SETBP1: variants seen among roughly 807,000 people sequenced by gnomAD.
SETBP1 encodes the protein SET-binding protein.
SETBP1 carries 9 observed loss-of-function variants against 101.0 expected under a neutral mutation model. The ratio of observed to expected loss-of-function variants is 0.09; its 90% CI spans 0.05 to 0.16. SETBP1 has a LOEUF of 0.16. SETBP1 is among the 10% of genes least tolerant of loss of function. The pLI, the probability that SETBP1 is intolerant of heterozygous loss-of-function variation, is 1.00. For synonymous variants in SETBP1, 818 were observed against 788.5 expected, an observed-to-expected ratio of 1.04 and a Z score of -0.63; for missense variants, 1,858 against 2,033.8, an observed-to-expected ratio of 0.91 and a Z score of 1.66.
chr18:45,037,031 C>T (rs16978253), intron 4 of SETBP1, among the ~76,000 whole-genome samples: 7 of 152,068 alleles, frequency 4.6e-5, no homozygotes, highest in Middle Eastern at 3.2e-3. Context: ...TGCTTCACAG[C>T]GTTGCCACGA....
chr18:45,020,326 A>G (rs569418962), intron 4 of SETBP1, among the ~76,000 whole-genome samples: 1 of 148,708 alleles, frequency 6.7e-6, no homozygotes, highest in Admixed American at 6.8e-5. Context: ...ACACTAGGGC[A>G]TGTCCTTCTG....
rs560170224 is a variant in SETBP1, at chr18:44,700,666, A to G, written c.-172-509A>G. On this transcript the variant is annotated intron_variant, in intron 1 of 5. Coordinates refer to ENST00000649279, the MANE Select transcript of SETBP1 (RefSeq NM_015559.3). ...GATAAAGGTAAAATGGTTAAGAGAT[A>G]GGCTGAATGCCCCTCCTCCAAGTGG... Among the ~76,000 whole-genome samples the G allele has an allele frequency of 2.6e-5, 4 of 152,210 alleles. No individual in the cohort carries two copies. The East Asian group carries it at 7.7e-4, about 29-fold the overall frequency.
At chr18:44,878,352 T>C (rs75553342) in intron 3 of SETBP1, among the ~76,000 whole-genome samples, 1,973 of 151,894 alleles carry the variant, frequency 0.013, 19 homozygotes, top group Non-Finnish European at 0.02. Context: ...TTCTCTTCAA[T>C]CCTTTTGGTA....
At chr18:44,772,247 C>T (rs1267468553) in intron 2 of SETBP1, among the ~76,000 whole-genome samples, 2 of 152,108 alleles carry the variant, frequency 1.3e-5, no homozygotes, top group Non-Finnish European at 2.9e-5. Flanking sequence ...CAAGGGTCAT[C>T]GTGTGACTGT....
intron 4 of SETBP1, among the ~76,000 whole-genome samples, chr18:45,031,474 T>C (rs2073296438): frequency 6.6e-6 from 1 of 152,146 alleles, no homozygotes. Flanking sequence ...TTTCCCAAGA[T>C]CACACAGCTA....
intron 2 of SETBP1, among the ~76,000 whole-genome samples, chr18:44,796,721 T>A (rs2071484818): frequency 6.6e-6 from 1 of 152,206 alleles, no homozygotes; most frequent in Admixed American, 6.5e-5. Context: ...TCTTTCAATG[T>A]AGGGTTTCCC....
chr18:44,946,156 T>A (rs2071201414), intron 3 of SETBP1, among the ~76,000 whole-genome samples: 1 of 152,152 alleles, frequency 6.6e-6, no homozygotes, highest in Non-Finnish European at 1.5e-5. Flanking sequence ...CCCAGCTGAG[T>A]GAAGATCTTA....
chr18:45,048,597 G>A lies in SETBP1; in HGVS notation c.4171+9942G>A, dbSNP rs78875971. On this transcript the variant is annotated intron_variant, in intron 5 of 5. Coordinates refer to ENST00000649279, the MANE Select transcript of SETBP1 (RefSeq NM_015559.3). Reference sequence around the variant, plus strand: ...TCAAGCTCATCTTATTCAAACATCTGTAAGACTTTGTTAAAAATTGTCAAC... The same window carrying A: ...TCAAGCTCATCTTATTCAAACATCTATAAGACTTTGTTAAAAATTGTCAAC... Among the ~76,000 whole-genome samples, 323 of 152,152 alleles carry A rather than the reference G, an allele frequency of 2.1e-3. 7 individuals carry two copies. In the East Asian group the frequency reaches 0.059, roughly 28 times the overall value.
chr18:44,758,341 G>T (rs1052025483), intron 2 of SETBP1, among the ~76,000 whole-genome samples: 2 of 152,102 alleles, frequency 1.3e-5, no homozygotes, highest in African/African-American at 4.8e-5. Flanking sequence ...ATAGATCTCA[G>T]GACCTTAAAT....
At chr18:44,713,437 C>T (rs1408267298) in intron 2 of SETBP1, among the ~76,000 whole-genome samples, 1 of 152,120 alleles carries the variant, frequency 6.6e-6, no homozygotes, top group Non-Finnish European at 1.5e-5. Context: ...ATTTCCAGTT[C>T]CTGAAAGTGT....
chr18:44,781,068 G>T (rs900493153), intron 2 of SETBP1, among the ~76,000 whole-genome samples: 1 of 152,196 alleles, frequency 6.6e-6, no homozygotes, highest in Non-Finnish European at 1.5e-5. Flanking sequence ...AGGCAAGTGG[G>T]CAGGCTGCTG....
intron 4 of SETBP1, among the ~76,000 whole-genome samples, chr18:44,999,176 C>T (rs779648713): frequency 8.6e-5 from 13 of 151,966 alleles, no homozygotes; most frequent in African/African-American, 1.9e-4. Context: ...TCCAAGTTAT[C>T]GGATGATAAC....
chr18:44,722,506 T>C (rs1171376135), intron 2 of SETBP1, among the ~76,000 whole-genome samples: 4 of 152,228 alleles, frequency 2.6e-5, no homozygotes, highest in Non-Finnish European at 5.9e-5. Flanking sequence ...ATGTCAAAGA[T>C]ACTGTTGTTT....
At chr18:44,853,387 C>T (rs1488652282) in intron 2 of SETBP1, among the ~76,000 whole-genome samples, 4 of 152,168 alleles carry the variant, frequency 2.6e-5, no homozygotes, top group Non-Finnish European at 2.9e-5. Context: ...AGTTGAGCCT[C>T]GCCATACCCC....
intron 4 of SETBP1, among the ~76,000 whole-genome samples, chr18:44,972,274 T>C (rs1259380073): frequency 6.6e-6 from 1 of 152,250 alleles, no homozygotes; most frequent in African/African-American, 2.4e-5. Flanking sequence ...TTTTGGTTAC[T>C]GTAGCCTTGC....
chr18:44,917,063 G>T (rs1243040342), intron 3 of SETBP1, among the ~76,000 whole-genome samples: 3 of 152,242 alleles, frequency 2.0e-5, no homozygotes, highest in South Asian at 2.1e-4. Flanking sequence ...ATCAGGGAAA[G>T]AAATTAATAG....
At chr18:45,020,470 G>T (rs2073037116) in intron 4 of SETBP1, among the ~76,000 whole-genome samples, 1 of 151,990 alleles carries the variant, frequency 6.6e-6, no homozygotes, top group African/African-American at 2.4e-5. Flanking sequence ...AAGAAAAAAT[G>T]AGATCTTTGT....
chr18:44,743,898 G>T (rs62093105), intron 2 of SETBP1, among the ~76,000 whole-genome samples: 3,178 of 152,296 alleles, frequency 0.021, 46 homozygotes, highest in South Asian at 0.043. Flanking sequence ...TGGCCCTCTA[G>T]CAGAAGCCTT....
chr18:45,042,095 A>G (rs188836697), intron 5 of SETBP1, among the ~76,000 whole-genome samples: 125 of 151,938 alleles, frequency 8.2e-4, no homozygotes, highest in South Asian at 1.5e-3. Flanking sequence ...CTTTTACAGC[A>G]TTAAATATGG....
Sources: gnomAD v4.1 joint callset for allele counts (sites outside exome capture counted in the v4.1 genomes callset) on GRCh38, gnomAD v4.1.1 for gene constraint, MANE v1.5 for transcripts, NCBI Gene and HGNC (gene_info 2026-07-23, HGNC 2026-07-21) for gene names.